COL4A3: variants seen among roughly 807,000 people sequenced by gnomAD.
The protein encoded by COL4A3 is collagen alpha-3(IV) chain.
A neutral mutation model predicts 217.4 loss-of-function variants in COL4A3; 135 were observed. The ratio of observed to expected loss-of-function variants is 0.62; its 90% CI spans 0.54 to 0.72. The LOEUF (loss-of-function observed/expected upper bound fraction) is 0.72, where lower values mean the gene tolerates loss of function less well. Among genes scored for constraint, COL4A3 ranks in the 30% least tolerant of loss-of-function variants. The pLI, the probability that COL4A3 is intolerant of heterozygous loss-of-function variation, is 0.00. For synonymous variants in COL4A3, 690 were observed against 736.3 expected (o/e 0.94, Z 1.02); for missense variants, 1,868 against 2,119.9 (o/e 0.88, Z 2.33).
intron 1 of COL4A3, among the ~76,000 whole-genome samples, chr2:227,220,522 G>A (rs1202311394): frequency 6.6e-6 from 1 of 152,032 alleles, no homozygotes; most frequent in Non-Finnish European, 1.5e-5. Context: ...CTGGAGTGCA[G>A]TGGTGGAGCC....
chr2:227,276,270 T>C, intron 26 of COL4A3, 115 bp from the exon 27 acceptor site: 6 of 796,716 alleles, frequency 7.5e-6, no homozygotes, highest in Non-Finnish European at 1.3e-5. Flanking sequence ...AAAACAGAGG[T>C]TATTTTTTAT....
intron 48 of COL4A3, among the ~76,000 whole-genome samples, chr2:227,308,502 C>T (rs1234866408): frequency 6.6e-6 from 1 of 152,262 alleles, no homozygotes; most frequent in Non-Finnish European, 1.5e-5. Context: ...GCGTGAGCCA[C>T]CATGCCCAGC....
intron 3 of COL4A3, among the ~76,000 whole-genome samples, 174 bp downstream of exon 3, chr2:227,240,406 A>G (rs549417438): frequency 3.9e-5 from 6 of 152,276 alleles, no homozygotes; most frequent in Admixed American, 3.9e-4. Flanking sequence ...CTGCTCCAAG[A>G]CTATTGCAAA....
Position 227,247,543 on chromosome 2 carries a change from T to C in COL4A3, c.442-15T>C, listed in dbSNP as rs770450269. 111 of 1,613,814 alleles carry C rather than the reference T, an allele frequency of 6.9e-5. 1 individual carries two copies. In the South Asian group the frequency reaches 1.2e-3, roughly 17 times the overall value. ...TGATATTCCTCTAGTTGTTCATAGG[T>C]TGCTTTTTTCCTAGGGTGCTGCTGG... is the stretch of plus-strand genomic sequence containing the variant. On this transcript the variant is annotated splice_polypyrimidine_tract_variant and intron_variant, in intron 7 of 51. Transcript: ENST00000396578.
chr2:227,246,342 T>C (rs1325181904), intron 6 of COL4A3: 7 of 503,308 alleles, frequency 1.4e-5, no homozygotes, highest in Non-Finnish European at 2.5e-5. Flanking sequence ...CTTTTCACTG[T>C]TCACTCACCT....
chr2:227,250,891 A>G lies in COL4A3; in HGVS notation c.547-249A>G, dbSNP rs905555631. Among the ~76,000 whole-genome samples the G allele has an allele frequency of 1.3e-5, 2 of 152,166 alleles. No individual in the cohort carries two copies. Among genetic ancestry groups the G allele is most frequent in the Non-Finnish European group, 2.9e-5 (2 of 68,038 alleles). The stretch of plus-strand genomic sequence containing the variant: ...AGGTGGGAAGAAAGAGAAAAGCAAA[A>G]TTTTGAAACGTCTGAAGTAAAGCAA... On this transcript the variant is annotated intron_variant, in intron 9 of 51. Transcript: ENST00000396578. The surrounding 1 kb of genome is among the most constrained non-coding windows in gnomAD (Gnocchi z 4.1).
At chr2:227,239,885 C>G (rs187650756) in intron 2 of COL4A3, among the ~76,000 whole-genome samples, 5 of 152,266 alleles carry the variant, frequency 3.3e-5, no homozygotes, top group Admixed American at 3.3e-4. Context: ...CATAGCCCTA[C>G]CATTTGGGAG....
chr2:227,164,924 C>A lies in COL4A3; in HGVS notation c.87+111C>A. On this transcript the variant is annotated intron_variant, in intron 1 of 51. Coordinates refer to ENST00000396578, the MANE Select transcript of COL4A3 (RefSeq NM_000091.5). The surrounding 1 kb of genome is among the most constrained non-coding windows in gnomAD (Gnocchi z 4.8). ...GCGCGGTAGTGGAGCGGCTGCCGGGCTAGTGGCGAGGCTGAGGGCTTCACG... is the reference window on the plus strand; with the variant it reads ...GCGCGGTAGTGGAGCGGCTGCCGGGATAGTGGCGAGGCTGAGGGCTTCACG... The A allele has an allele frequency of 1.5e-6, 2 of 1,291,758 alleles. No homozygotes were observed. The highest frequency in any genetic ancestry group is 2.0e-6 in the Non-Finnish European group (2 of 989,668). 80.0% of individuals were successfully genotyped at this position (1,291,758 alleles called of 1,614,324 possible).
At chr2:227,255,145 T>C (rs963505558) in intron 15 of COL4A3, among the ~76,000 whole-genome samples, 2 of 152,150 alleles carry the variant, frequency 1.3e-5, no homozygotes, top group Non-Finnish European at 2.9e-5. Context: ...AGCTTGGTCA[T>C]ATCTGGTCTC....
intron 2 of COL4A3, among the ~76,000 whole-genome samples, chr2:227,238,746 G>A (rs961825753): frequency 6.6e-6 from 1 of 152,042 alleles, no homozygotes; most frequent in Non-Finnish European, 1.5e-5. Flanking sequence ...TATATAATGT[G>A]TATGCTAATT....
At chr2:227,209,055 A>G (rs2067213703) in intron 1 of COL4A3, among the ~76,000 whole-genome samples, 4 of 152,236 alleles carry the variant, frequency 2.6e-5, no homozygotes, top group Admixed American at 2.6e-4. Context: ...AAACTTTTGG[A>G]ACCTCATTTT....
intron 2 of COL4A3, chr2:227,238,302 T>G (rs2068815513): frequency 3.3e-6 from 1 of 305,516 alleles, no homozygotes; most frequent in Non-Finnish European, 6.2e-6. Flanking sequence ...AAAAGAAAGT[T>G]TATGACAAGT....
At chr2:227,302,711 T>A in intron 43 of COL4A3, among the ~76,000 whole-genome samples, 1 of 81,322 alleles carries the variant, frequency 1.2e-5, no homozygotes, top group African/African-American at 5.2e-5. Context: ...AAAAAATCAT[T>A]CTGGCAGTAC....
intron 1 of COL4A3, among the ~76,000 whole-genome samples, chr2:227,177,751 T>G (rs6734220): frequency 0.085 from 12,969 of 152,216 alleles, 1,284 homozygotes; most frequent in African/African-American, 0.24. Flanking sequence ...TGTGTCCCAC[T>G]GGGGCGTGAA....
chr2:227,167,336 G>A (rs561596790), intron 1 of COL4A3, among the ~76,000 whole-genome samples: 34 of 152,344 alleles, frequency 2.2e-4, no homozygotes, highest in Admixed American at 1.8e-3. Context: ...TTGGACTGAT[G>A]TGCCGAGAAT....
chr2:227,166,198 A>T (rs1238400266), intron 1 of COL4A3, among the ~76,000 whole-genome samples: 1 of 152,232 alleles, frequency 6.6e-6, no homozygotes, highest in African/African-American at 2.4e-5. Flanking sequence ...TCTAAAGGAC[A>T]TTTGTAATCT....
intron 1 of COL4A3, chr2:227,228,689 A>G (rs952701365): frequency 3.3e-5 from 5 of 152,358 alleles, no homozygotes; most frequent in Non-Finnish European, 7.3e-5. Context: ...GTTCTGGTCT[A>G]TTAATAAAAA....
chr2:227,263,656 GTGT>G, intron 20 of COL4A3, 121 bp from the exon 21 acceptor site: 4 of 950,352 alleles, frequency 4.2e-6, no homozygotes, highest in Non-Finnish European at 6.3e-6. Flanking sequence ...TATTTTATAT[GTGT>G]TATGTACCTC....
chr2:227,298,838 CATT>C, intron 43 of COL4A3, 26 bp downstream of exon 43: 1 of 1,604,378 alleles, frequency 6.2e-7, no homozygotes, highest in Non-Finnish European at 8.5e-7. Flanking sequence ...TATTTTGACT[CATT>C]ATTAATTCAA....
Sources: allele counts gnomAD v4.1 joint callset (sites outside exome capture counted in the v4.1 genomes callset), GRCh38; gene constraint gnomAD v4.1.1; non-coding constraint Gnocchi (gnomAD v3.1); transcripts MANE v1.5; gene names NCBI Gene and HGNC (gene_info 2026-07-23, HGNC 2026-07-21).